LTK: variants seen among roughly 807,000 people sequenced by gnomAD.
LTK encodes the protein leukocyte receptor tyrosine kinase, also known as leukocyte tyrosine kinase receptor.
Under a neutral mutation model 101.5 loss-of-function variants are expected in LTK, and 117 were observed. The ratio of observed to expected loss-of-function variants is 1.15; its 90% confidence interval spans 0.99 to 1.34. The LOEUF is 1.34. Among genes scored for constraint, LTK ranks in the 40% most tolerant of loss-of-function variants. The pLI, the probability that LTK is intolerant of heterozygous loss-of-function variation, is 0.00. For missense variants in LTK, 1,252 were observed against 1,164.7 expected (o/e 1.07, Z -1.09); for synonymous variants, 563 against 494.2 (o/e 1.14, Z -1.85).
intron 7 of LTK, among the ~76,000 whole-genome samples, chr15:41,510,015 C>CTT (rs1023211050): frequency 6.6e-6 from 1 of 151,030 alleles, no homozygotes; most frequent in Non-Finnish European, 1.5e-5. Flanking sequence ...ATTTTCTTTT[C>CTT]TTTTTTTTTG....
intron 8 of LTK, 84 bp downstream of exon 8, chr15:41,508,947 G>A: frequency 3.7e-6 from 3 of 808,968 alleles, no homozygotes; most frequent in Admixed American, 2.3e-5. Context: ...CAGTGCAGGT[G>A]GCTCTTCAGT....
Position 41,511,562 on chromosome 15 carries a change from A to C in LTK, c.674T>G (p.Leu225Arg), listed in dbSNP as rs2051462987. 3 of 1,448,884 alleles carry C rather than the reference A, an allele frequency of 2.1e-6. No individual in the cohort carries two copies. The African/African-American group carries it at 4.5e-5, about 22-fold the overall frequency. 89.8% of individuals were successfully genotyped at this position (1,448,884 alleles called of 1,614,324 possible). A position where few individuals can be genotyped will look rare whatever the true frequency, so the allele number is the denominator to read the frequency against. ...TYVFRVRAGE[L>R]EPLLVAAGGG... ...TCCGGCCGCCACCAGCAACGGTTCC[A>C]GCTCGCCAGCGCGCACCTGTGGGGC... is the stretch of plus-strand genomic sequence containing the variant. Residue 225 changes from leucine (L) to arginine (R), a missense_variant, in exon 6 of 20, where the codon CTG becomes CGG. Transcript: ENST00000263800. This position sits in a 1 kb window ranked among gnomAD's most constrained non-coding sequence, Gnocchi z 5.9.
chr15:41,505,903 C>T lies in LTK; in HGVS notation c.1632+12G>A. On this transcript the variant is annotated intron_variant, in intron 12 of 19. Transcript: ENST00000263800. ...CTCTCCTACCCCCAGCCAGAAGTCC[C>T]ACTCCTCTCACCTTGATAGCTACCT... 1.2e-6 allele frequency: 2 copies of T among 1,611,636 alleles called. No homozygotes were observed. The highest frequency in any genetic ancestry group is 8.5e-7 in the Non-Finnish European group (1 of 1,178,114).
Position 41,504,790 on chromosome 15 carries a change from T to C in LTK, c.2103A>G (p.Thr701=). The C allele has an allele frequency of 1.2e-6, 2 of 1,612,806 alleles. No homozygotes were observed. The highest frequency in any genetic ancestry group is 1.7e-6 in the Non-Finnish European group (2 of 1,179,686). The change falls in exon 17 of 20, where the codon ACA becomes ACG. Residue 701 remains threonine, a synonymous_variant. Coordinates refer to ENST00000263800, the MANE Select transcript of LTK (RefSeq NM_002344.6). ...PPEAFLEGIF[T]SKTDSWSFGV... ...GTTATCACCAGGAATCTGTCTTGGA[T>C]GTGAAGATGCCCTCCAGGAAGGCCT... is the stretch of plus-strand genomic sequence containing the variant.
intron 9 of LTK, 37 bp downstream of exon 9, chr15:41,508,032 C>G (rs1190252111): frequency 1.3e-6 from 2 of 1,549,690 alleles, no homozygotes; most frequent in African/African-American, 1.4e-5. Flanking sequence ...AGTCTGTGAC[C>G]CCAGGAGTCC....
intron 11 of LTK, among the ~76,000 whole-genome samples, chr15:41,506,472 T>C (rs1259654883): frequency 6.6e-6 from 1 of 151,464 alleles, no homozygotes; most frequent in African/African-American, 2.4e-5. Context: ...GCCCAGCTAT[T>C]TTTTGTGTTT....
In LTK at chr15:41,511,108, C is replaced by T. The variant is rs1758391058; in HGVS notation, c.997+56G>A. 3 of 1,334,904 alleles carry T rather than the reference C, an allele frequency of 2.2e-6. No individual in the cohort carries two copies. In the South Asian group the frequency reaches 6.5e-5, roughly 29 times the overall value. The allele number at this position is 1,334,904 out of a possible 1,614,324, so 82.7% of individuals were successfully genotyped here. On this transcript the variant is annotated intron_variant, in intron 7 of 19. Transcript: ENST00000263800. The surrounding 1 kb of genome is among the most constrained non-coding windows in gnomAD (Gnocchi z 5.9). ...GAGGGCTCCGGCCTGTACTTAGGTTCTAACATCACCTCACCCTCGGGCCTG... is the reference window on the plus strand; with the variant it reads ...GAGGGCTCCGGCCTGTACTTAGGTTTTAACATCACCTCACCCTCGGGCCTG...
At chr15:41,512,053 G>A in intron 4 of LTK, 62 bp downstream of exon 4, 2 of 1,496,162 alleles carry the variant, frequency 1.3e-6, no homozygotes, top group Non-Finnish European at 1.8e-6. Context: ...ACGCTCCCCC[G>A]GCCCCCAGGC....
chr15:41,504,789 A>AT lies in LTK; in HGVS notation c.2103dup (p.Ser702IlefsTer45). The AT allele has an allele frequency of 1.2e-6, 2 of 1,612,764 alleles. No individual in the cohort carries two copies. The highest frequency in any genetic ancestry group is 1.1e-5 in the South Asian group (1 of 90,688). On this transcript the variant is annotated frameshift_variant, in exon 17 of 20. Coordinates refer to ENST00000263800, the MANE Select transcript of LTK (RefSeq NM_002344.6). LOFTEE classifies it high-confidence loss of function. ...TGTTATCACCAGGAATCTGTCTTGG[A>AT]TGTGAAGATGCCCTCCAGGAAGGCC...
chr15:41,505,833 G>A (rs1231394499), intron 12 of LTK, 56 bp from the exon 13 acceptor site: 39 of 1,602,928 alleles, frequency 2.4e-5, no homozygotes, highest in Middle Eastern at 3.3e-4. Flanking sequence ...AGGAGAGGGG[G>A]TTAACCCTAG....
Position 41,511,151 on chromosome 15 carries a change from A to C in LTK, c.997+13T>G. The C allele has an allele frequency of 7.9e-6, 11 of 1,398,902 alleles. No individual in the cohort carries two copies. Among genetic ancestry groups the C allele is most frequent in the Non-Finnish European group, 1.0e-5 (11 of 1,083,898 alleles). 86.7% of individuals were successfully genotyped at this position (1,398,902 alleles called of 1,614,324 possible). A position where few individuals can be genotyped will look rare whatever the true frequency, so the allele number is the denominator to read the frequency against. On this transcript the variant is annotated intron_variant, in intron 7 of 19. Transcript: ENST00000263800. This position sits in a 1 kb window ranked among gnomAD's most constrained non-coding sequence, Gnocchi z 5.9. Reference sequence around the variant, plus strand: ...CGGGCCTGCTCAGCTGCCCTCTCCAACGGTGCACCTACCCCTGTAGCCGCC... The same window carrying C: ...CGGGCCTGCTCAGCTGCCCTCTCCACCGGTGCACCTACCCCTGTAGCCGCC...
chr15:41,504,718 GAT>G lies in LTK; in HGVS notation c.2120+53_2120+54del, dbSNP rs2051195151. The stretch of plus-strand genomic sequence containing the variant: ...CACATGAGGTGGCTGGAAAGGACAG[GAT>G]TAGCCTCAGGGGAGGGGAACAGTGG... On this transcript the variant is annotated intron_variant, in intron 17 of 19. Coordinates refer to ENST00000263800, the MANE Select transcript of LTK (RefSeq NM_002344.6). 3.7e-6 allele frequency: 6 copies of G among 1,603,602 alleles called. No homozygotes were observed. The East Asian group carries it at 1.3e-4, about 36-fold the overall frequency.
At chr15:41,504,283 T>C in intron 19 of LTK, 39 bp from the exon 20 acceptor site, 1 of 1,609,038 alleles carries the variant, frequency 6.2e-7, no homozygotes, top group Non-Finnish European at 8.5e-7. Flanking sequence ...GGCATAGAGT[T>C]TTCTGGCCCT....
rs1595468069 is a variant in LTK at position 41,511,035 on chromosome 15, T to C, written c.997+129A>G. ...TTTTCTAAGAGCTCCTGCTTTTTGT[T>C]TGGAGCTGCTGAGCAGGGCTTAATG... On this transcript the variant is annotated intron_variant, in intron 7 of 19. Transcript: ENST00000263800. The surrounding 1 kb of genome is among the most constrained non-coding windows in gnomAD (Gnocchi z 5.9). 8.2e-7 allele frequency: 1 copy of C among 1,222,552 alleles called. No individual in the cohort carries two copies. Among genetic ancestry groups the C allele is most frequent in the East Asian group, 3.3e-5 (1 of 29,860 alleles). The allele number at this position is 1,222,552 out of a possible 1,614,324, so 75.7% of individuals were successfully genotyped here.
chr15:41,504,518 C>A lies in LTK; in HGVS notation c.2243G>T (p.Cys748Phe). 1 of 1,613,348 alleles carries A rather than the reference C, an allele frequency of 6.2e-7. No individual in the cohort carries two copies. Among genetic ancestry groups the A allele is most frequent in the Non-Finnish European group, 8.5e-7 (1 of 1,179,722 alleles). The change falls in exon 18 of 20, where the codon TGC becomes TTC. Residue 748 changes from cysteine to phenylalanine, a missense_variant. By Grantham distance (205) the Cys-to-Phe change is radical. Transcript: ENST00000263800. ...GGGRMDPPRG[C>F]PGPVYRIMTQ... ...GCACTCAACTCACACAGGCCCTGGG[C>A]AGCCCCTAGGAGGGTCCATCCGGCC...
At chr15:41,509,510 T>C (rs1000979143) in intron 7 of LTK, among the ~76,000 whole-genome samples, 2 of 152,248 alleles carry the variant, frequency 1.3e-5, no homozygotes, top group African/African-American at 2.4e-5. Flanking sequence ...TGATTCAGTA[T>C]GTTAGAGAAG....
At chr15:41,507,007 C>T in intron 11 of LTK, 88 bp downstream of exon 11, 1 of 1,354,480 alleles carries the variant, frequency 7.4e-7, no homozygotes, top group East Asian at 2.4e-5. Flanking sequence ...CAGATTTTTT[C>T]TGGGACTTAT....
rs2051465394 is a variant in LTK at position 41,511,602 on chromosome 15, A to G, written c.658-24T>C. 1 of 1,431,006 alleles carries G rather than the reference A, an allele frequency of 7.0e-7. No individual in the cohort carries two copies. The highest frequency in any genetic ancestry group is 3.0e-5 in the Admixed American group (1 of 32,992). The allele number at this position is 1,431,006 out of a possible 1,614,324, so 88.6% of individuals were successfully genotyped here. A position where few individuals can be genotyped will look rare whatever the true frequency, so the allele number is the denominator to read the frequency against. On this transcript the variant is annotated intron_variant, in intron 5 of 19. Transcript: ENST00000263800. This position sits in a 1 kb window ranked among gnomAD's most constrained non-coding sequence, Gnocchi z 5.9. ...ACCTGTGGGGCCAGCGGCGTGTTCC[A>G]GGAAGCGCCCTCCAGCTGTCCAGGG...
Position 41,503,989 on chromosome 15 carries a change from T to A in LTK, c.*7A>T, listed in dbSNP as rs778002805. 1.3e-6 allele frequency: 2 copies of A among 1,591,796 alleles called. No individual in the cohort carries two copies. Among genetic ancestry groups the A allele is most frequent in the Non-Finnish European group, 1.7e-6 (2 of 1,169,604 alleles). Reference sequence around the variant, plus strand: ...CCTCAGTCCTTACCCTCAGGGCCCCTTGGGGCTCAGGAGCGATAAGTGGGA... The same window carrying A: ...CCTCAGTCCTTACCCTCAGGGCCCCATGGGGCTCAGGAGCGATAAGTGGGA... On this transcript the variant is annotated 3_prime_UTR_variant, in exon 20 of 20. Transcript: ENST00000263800.
Sources: allele counts gnomAD v4.1 joint callset (sites outside exome capture counted in the v4.1 genomes callset), GRCh38; gene constraint gnomAD v4.1.1; non-coding constraint Gnocchi (gnomAD v3.1); transcripts MANE v1.5; gene names NCBI Gene and HGNC (gene_info 2026-07-23, HGNC 2026-07-21).